Variants in TRIM33 observed in about 807,000 individuals in gnomAD.
TRIM33 encodes the protein tripartite motif containing 33.
In TRIM33, 20 loss-of-function variants were observed where a neutral mutation model predicts 125.4. That is an observed-to-expected ratio of 0.16 (90% CI 0.11 to 0.23). TRIM33 has a LOEUF of 0.23. TRIM33 is among the 10% of genes least tolerant of loss of function. The probability of loss-of-function intolerance (pLI) is 1.00; values close to 1 mark genes in which losing one functional copy is unlikely to be tolerated. For missense variants in TRIM33, 920 were observed against 1,411.4 expected, an observed-to-expected ratio of 0.65 and a Z score of 5.58; for synonymous variants, 564 against 513.9, an observed-to-expected ratio of 1.10 and a Z score of -1.32.
intron 18 of TRIM33, among the ~76,000 whole-genome samples, 179 bp from the exon 19 acceptor site, chr1:114,398,169 C>T (rs1651659886): frequency 6.6e-6 from 1 of 152,088 alleles, no homozygotes; most frequent in Non-Finnish European, 1.5e-5. Context: ...TTTACAAAGC[C>T]CTGTTACTAA....
rs1297174299 is a variant in TRIM33, at chr1:114,397,662, C to G, written c.3370G>C (p.Val1124Leu). ...RKRLKSDERP[V>L]HIK ...TCCATGTCATTTTACTTTATATGTA[C>G]TGGTCTCTCATCTGACTTTAGGCGT... Residue 1124 changes from valine (V) to leucine (L), a missense_variant, in exon 20 of 20, where the codon GTA becomes CTA. Transcript: ENST00000358465. 2.4e-6 allele frequency: 3 copies of G among 1,242,940 alleles called. No individual in the cohort carries two copies. The highest frequency in any genetic ancestry group is 3.3e-6 in the Non-Finnish European group (3 of 921,456). 77.0% of individuals were successfully genotyped at this position (1,242,940 alleles called of 1,614,324 possible).
At position 114,450,889 on chromosome 1, in the gene TRIM33, T is replaced by C. The variant is rs534450599; in HGVS notation, c.923+12215A>G. Among the ~76,000 whole-genome samples the C allele has an allele frequency of 9.2e-5, 14 of 152,320 alleles. No individual in the cohort carries two copies. The East Asian group carries it at 2.7e-3, about 29-fold the overall frequency. On this transcript the variant is annotated intron_variant, in intron 4 of 19. Transcript: ENST00000358465. ...TTCTTAGATGAATTTCTTGCAATAG[T>C]TATCTAATAATTTCCCAACATTTGT...
chr1:114,421,659 C>T (rs780583081), intron 10 of TRIM33, 23 bp from the exon 11 acceptor site: 18 of 1,610,278 alleles, frequency 1.1e-5, no homozygotes, highest in Non-Finnish European at 1.4e-5. Flanking sequence ...AAGACATTAT[C>T]ATTACTTGAT....
At chr1:114,472,855 T>C (rs1404182141) in intron 1 of TRIM33, among the ~76,000 whole-genome samples, 1 of 151,400 alleles carries the variant, frequency 6.6e-6, no homozygotes, top group Non-Finnish European at 1.5e-5. Flanking sequence ...GACAAGAAAA[T>C]TTTGAAAAGA....
At chr1:114,436,490 G>C (rs1193139919) in intron 4 of TRIM33, among the ~76,000 whole-genome samples, 1 of 151,736 alleles carries the variant, frequency 6.6e-6, no homozygotes, top group Admixed American at 6.6e-5. Context: ...TTTTGAGACG[G>C]AGTCTCGCTC....
intron 4 of TRIM33, among the ~76,000 whole-genome samples, chr1:114,437,593 T>C (rs1648387271): frequency 6.6e-6 from 1 of 152,178 alleles, no homozygotes; most frequent in Middle Eastern, 3.2e-3. Context: ...CACCTCGGCC[T>C]CCCAAAGTGC....
At chr1:114,398,112 C>G (rs1194247220) in intron 18 of TRIM33, 122 bp from the exon 19 acceptor site, 1 of 949,412 alleles carries the variant, frequency 1.1e-6, no homozygotes, top group African/African-American at 1.6e-5. Flanking sequence ...TTGCTATAAC[C>G]AGATAAAGTG....
At chr1:114,482,716 A>G (rs956412713) in intron 1 of TRIM33, among the ~76,000 whole-genome samples, 1 of 152,170 alleles carries the variant, frequency 6.6e-6, no homozygotes, top group Non-Finnish European at 1.5e-5. Flanking sequence ...TGCTGTTCTC[A>G]TTATAGTAAC....
rs180820053 is a variant in TRIM33, at chr1:114,465,767, C to T, written c.527-1379G>A. Among the ~76,000 whole-genome samples the T allele has an allele frequency of 5.6e-3, 851 of 152,000 alleles. 7 individuals carry two copies. The highest frequency in any genetic ancestry group is 0.019 in the African/African-American group (794 of 41,450). On this transcript the variant is annotated intron_variant, in intron 1 of 19. Transcript: ENST00000358465. ...ATAAAAATAAATAAAAAGAGCCGGG[C>T]GCGGTGGCTCACGCCTGTAATCCCA... is the stretch of plus-strand genomic sequence containing the variant.
intron 8 of TRIM33, among the ~76,000 whole-genome samples, chr1:114,426,178 A>G (rs1647560752): frequency 6.6e-6 from 1 of 152,206 alleles, no homozygotes; most frequent in African/African-American, 2.4e-5. Flanking sequence ...TGAATGCTTT[A>G]AACAACTTAT....
rs1379112474 is a variant in TRIM33 at position 114,395,588 on chromosome 1, C to T, written c.*2060G>A. On this transcript the variant is annotated 3_prime_UTR_variant, in exon 20 of 20. Transcript: ENST00000358465. ...CAAAAATGTGCCCTTAGATATATGT[C>T]TACTTACAAACTGAAATCATGGATT... 1 of 199,238 alleles carries T rather than the reference C, an allele frequency of 5.0e-6. No homozygotes were observed. The allele number at this position is 199,238 out of a possible 1,614,324, so 12.3% of individuals were successfully genotyped here.
chr1:114,414,547 G>A lies in TRIM33; in HGVS notation c.2062-4231C>T, dbSNP rs148119664. ...ACATCTCCCTACTAACTCTTACCCCGCTTCCAGGTTTCAAAGAGGCTTTAA... is the reference window on the plus strand; with the variant it reads ...ACATCTCCCTACTAACTCTTACCCCACTTCCAGGTTTCAAAGAGGCTTTAA... On this transcript the variant is annotated intron_variant, in intron 11 of 19. Transcript: ENST00000358465. Among the ~76,000 whole-genome samples, 16 of 152,014 alleles carry A rather than the reference G, an allele frequency of 1.1e-4. No individual in the cohort carries two copies. In the East Asian group the frequency reaches 2.5e-3, roughly 24 times the overall value.
intron 11 of TRIM33, among the ~76,000 whole-genome samples, chr1:114,415,045 A>G (rs1437977147): frequency 1.6e-5 from 2 of 125,896 alleles, no homozygotes; most frequent in African/African-American, 6.4e-5. Context: ...CCCAGGCTGG[A>G]GTGCAGTGGC....
At chr1:114,420,445 C>T (rs750203924) in intron 11 of TRIM33, 21 of 1,333,566 alleles carry the variant, frequency 1.6e-5, no homozygotes, top group Admixed American at 9.0e-5. Flanking sequence ...ATCGGAACAA[C>T]GTTTGCCTGT....
Position 114,468,449 on chromosome 1 carries a change from G to A in TRIM33, c.527-4061C>T, listed in dbSNP as rs145541038. Reference sequence around the variant, plus strand: ...AGCCCTTAGAAACAAAACAAGTGGCGCCAGAGCCAACTGGGGACAAAGAAT... The same window carrying A: ...AGCCCTTAGAAACAAAACAAGTGGCACCAGAGCCAACTGGGGACAAAGAAT... On this transcript the variant is annotated intron_variant, in intron 1 of 19. Transcript: ENST00000358465. 5.2e-3 allele frequency: 1,816 copies of A among 350,410 alleles called. 11 individuals are homozygous for A. The highest frequency in any genetic ancestry group is 5.7e-3 in the Non-Finnish European group (1,019 of 177,276). The allele number at this position is 350,410 out of a possible 1,614,324, so 21.7% of individuals were successfully genotyped here. A position where few individuals can be genotyped will look rare whatever the true frequency, so the allele number is the denominator to read the frequency against.
chr1:114,461,262 ATATAT>A (rs1649974430), intron 4 of TRIM33, among the ~76,000 whole-genome samples: 4 of 145,940 alleles, frequency 2.7e-5, no homozygotes, highest in African/African-American at 1.0e-4. Context: ...TATATTTTAT[ATATAT>A]TATATATTTA....
intron 4 of TRIM33, among the ~76,000 whole-genome samples, chr1:114,456,125 T>C (rs1572075712): frequency 6.6e-6 from 1 of 152,300 alleles, no homozygotes; most frequent in Admixed American, 6.5e-5. Context: ...TACGTCTTCA[T>C]TACCTGAATG....
At position 114,396,928 on chromosome 1, in the gene TRIM33, C is replaced by G. The variant is rs1441537123; in HGVS notation, c.*720G>C. 1 of 214,648 alleles carries G rather than the reference C, an allele frequency of 4.7e-6. No homozygotes were observed. The allele number at this position is 214,648 out of a possible 1,614,324, so 13.3% of individuals were successfully genotyped here. A position where few individuals can be genotyped will look rare whatever the true frequency, so the allele number is the denominator to read the frequency against. On this transcript the variant is annotated 3_prime_UTR_variant, in exon 20 of 20. Transcript: ENST00000358465. ...AGGAAGTGTTTTCTGGAAACAACTA[C>G]TATAACTCTAAATAATCCACTAATG...
intron 4 of TRIM33, among the ~76,000 whole-genome samples, chr1:114,439,992 T>G (rs1648556059): frequency 6.6e-6 from 1 of 152,156 alleles, no homozygotes; most frequent in Non-Finnish European, 1.5e-5. Context: ...ACTGTGATGA[T>G]GGATTCACAG....
Sources: gnomAD v4.1 joint callset for allele counts (sites outside exome capture counted in the v4.1 genomes callset) on GRCh38, gnomAD v4.1.1 for gene constraint, MANE v1.5 for transcripts, NCBI Gene and HGNC (gene_info 2026-07-23, HGNC 2026-07-21) for gene names.